The following SPAG16 variants were observed in gnomAD, a reference collection of about 807,000 sequenced individuals.
SPAG16 encodes sperm-associated antigen 16 protein.
A neutral mutation model predicts 80.4 loss-of-function variants in SPAG16; 86 were observed. The ratio of observed to expected loss-of-function variants is 1.07; its 90% CI spans 0.90 to 1.28. SPAG16 has a LOEUF of 1.28. SPAG16 is among the 50% of genes most tolerant of loss of function. SPAG16 has a pLI of 0.00. For synonymous variants in SPAG16, 294 were observed against 265.9 expected (o/e 1.11, Z -1.03); for missense variants, 870 against 765.3 (o/e 1.14, Z -1.61).
intron 10 of SPAG16, among the ~76,000 whole-genome samples, chr2:213,750,138 A>G (rs1327403671): frequency 6.6e-6 from 1 of 152,212 alleles, no homozygotes; most frequent in African/African-American, 2.4e-5. Flanking sequence ...ACTTTGCAGG[A>G]CAAGTACTCC....
chr2:214,376,430 A>G (rs961207885), intron 15 of SPAG16, among the ~76,000 whole-genome samples: 2 of 152,126 alleles, frequency 1.3e-5, no homozygotes, highest in Non-Finnish European at 2.9e-5. Context: ...CATGTTTTCT[A>G]TTTCTCACAT....
intron 15 of SPAG16, among the ~76,000 whole-genome samples, chr2:214,156,312 G>T (rs1166286083): frequency 6.6e-6 from 1 of 152,002 alleles, no homozygotes; most frequent in African/African-American, 2.4e-5. Flanking sequence ...AAGGAATTAG[G>T]GCTGAATTTA....
intron 14 of SPAG16, among the ~76,000 whole-genome samples, chr2:214,132,893 G>T (rs2054851210): frequency 6.6e-6 from 1 of 152,050 alleles, no homozygotes. Flanking sequence ...GCGAGTTCGA[G>T]ACCAGCCTGA....
chr2:213,641,161 G>A lies in SPAG16; in HGVS notation c.1070+151071G>A, dbSNP rs1020771866. Among the ~76,000 whole-genome samples the A allele has an allele frequency of 5.9e-5, 9 of 152,110 alleles. 1 individual carries two copies. Among genetic ancestry groups the A allele is most frequent in the African/African-American group, 1.4e-4 (6 of 41,428 alleles). On this transcript the variant is annotated intron_variant, in intron 10 of 15. Coordinates refer to ENST00000331683, the MANE Select transcript of SPAG16 (RefSeq NM_024532.5). Reference sequence around the variant, plus strand: ...GTTGTTCTCAAGCCAATGGAGTTACGTTCTGAAGGGAATTAAGGCTGCCTC... The same window carrying A: ...GTTGTTCTCAAGCCAATGGAGTTACATTCTGAAGGGAATTAAGGCTGCCTC...
At chr2:213,814,813 AAG>A (rs1428866541) in intron 10 of SPAG16, among the ~76,000 whole-genome samples, 10 of 151,606 alleles carry the variant, frequency 6.6e-5, no homozygotes, top group Non-Finnish European at 1.2e-4. Flanking sequence ...AATAATAATA[AAG>A]AGGGACATTA....
At chr2:214,212,078 T>C (rs942217512) in intron 15 of SPAG16, among the ~76,000 whole-genome samples, 4 of 152,194 alleles carry the variant, frequency 2.6e-5, no homozygotes, top group African/African-American at 9.6e-5. Flanking sequence ...ATGTAATTTC[T>C]TAGCTTAAAA....
rs549278352 is a variant in SPAG16, at chr2:214,014,311, T to C, written c.1527+234T>C. On this transcript the variant is annotated intron_variant, in intron 13 of 15. Coordinates refer to ENST00000331683, the MANE Select transcript of SPAG16 (RefSeq NM_024532.5). ...TCTCATTAAGCATTATTTCAACAAT[T>C]ATTTATTGCGATAGAAGCTCTGCTG... is the stretch of plus-strand genomic sequence containing the variant. Among the ~76,000 whole-genome samples, 3 of 152,262 alleles carry C rather than the reference T, an allele frequency of 2.0e-5. No individual in the cohort carries two copies. The South Asian group carries it at 6.2e-4, about 32-fold the overall frequency.
intron 12 of SPAG16, among the ~76,000 whole-genome samples, chr2:213,998,827 G>A (rs957559874): frequency 6.6e-6 from 1 of 152,182 alleles, no homozygotes; most frequent in African/African-American, 2.4e-5. Flanking sequence ...GGTGACTCTT[G>A]TTATGTTTTA....
At chr2:213,539,933 G>T (rs2125912651) in intron 10 of SPAG16, among the ~76,000 whole-genome samples, 3 of 151,430 alleles carry the variant, frequency 2.0e-5, no homozygotes, top group Middle Eastern at 3.4e-3. Context: ...GACATATTTT[G>T]TGTGTTGTAA....
chr2:214,008,259 T>TTTATA (rs1276387388), intron 12 of SPAG16, among the ~76,000 whole-genome samples: 2 of 152,172 alleles, frequency 1.3e-5, no homozygotes, highest in African/African-American at 2.4e-5. Flanking sequence ...TCTCTATCTG[T>TTTATA]GCACCCATTA....
intron 13 of SPAG16, among the ~76,000 whole-genome samples, chr2:214,038,697 C>A (rs1449272198): frequency 2.1e-5 from 3 of 146,156 alleles, no homozygotes; most frequent in Non-Finnish European, 4.5e-5. Context: ...CCCCCCTCCC[C>A]CTACCCCACA....
intron 10 of SPAG16, among the ~76,000 whole-genome samples, chr2:213,776,177 G>T (rs180864010): frequency 5.0e-4 from 76 of 152,278 alleles, no homozygotes; most frequent in Non-Finnish European, 9.9e-4. Context: ...GATTAAGTTA[G>T]AGCCCTGATT....
In SPAG16 at chr2:214,140,944, G is replaced by T. The variant is rs1453335760; in HGVS notation, c.1594-8196G>T. Among the ~76,000 whole-genome samples, 79 of 72,924 alleles carry T rather than the reference G, an allele frequency of 1.1e-3. 1 individual carries two copies. In the South Asian group the frequency reaches 0.018, roughly 17 times the overall value. 47.8% of individuals were successfully genotyped at this position (72,924 alleles called of 152,430 possible). A position where few individuals can be genotyped will look rare whatever the true frequency, so the allele number is the denominator to read the frequency against. ...GTATATCCCATTGGTGGGGGGGGGG[G>T]GGTGGGGGGTGGGGGGATGTGACAG... On this transcript the variant is annotated intron_variant, in intron 14 of 15. Coordinates refer to ENST00000331683, the MANE Select transcript of SPAG16 (RefSeq NM_024532.5).
At chr2:213,695,563 T>C (rs2065123404) in intron 10 of SPAG16, among the ~76,000 whole-genome samples, 1 of 152,152 alleles carries the variant, frequency 6.6e-6, no homozygotes, top group African/African-American at 2.4e-5. Context: ...TAGTTTCAGC[T>C]AGTAATAAGA....
intron 15 of SPAG16, 35 bp downstream of exon 15, chr2:214,149,301 C>A: frequency 3.4e-6 from 5 of 1,470,154 alleles, no homozygotes; most frequent in South Asian, 1.4e-5. Context: ...TCTGACTAAG[C>A]CAATAACATT....
chr2:213,931,317 C>A (rs1334992380), intron 12 of SPAG16, among the ~76,000 whole-genome samples: 1 of 152,126 alleles, frequency 6.6e-6, no homozygotes, highest in African/African-American at 2.4e-5. Context: ...CTGTGAATAA[C>A]ATATTTTAGA....
intron 10 of SPAG16, among the ~76,000 whole-genome samples, chr2:213,618,918 C>T (rs1255581086): frequency 6.6e-6 from 1 of 151,990 alleles, no homozygotes; most frequent in East Asian, 1.9e-4. Context: ...AGTAATTATT[C>T]TCTTAATAAC....
chr2:214,083,192 T>A (rs1159814591), intron 13 of SPAG16, among the ~76,000 whole-genome samples: 2 of 152,156 alleles, frequency 1.3e-5, no homozygotes, highest in African/African-American at 4.8e-5. Flanking sequence ...ACGGAATGTG[T>A]GATTTCTAGG....
rs74338931 is a variant in SPAG16 at position 214,002,345 on chromosome 2, A to G, written c.1401-11606A>G. Among the ~76,000 whole-genome samples the G allele has an allele frequency of 9.0e-3, 1,369 of 152,320 alleles. 36 individuals are homozygous for G. Among genetic ancestry groups the G allele is most frequent in the East Asian group, 0.084 (436 of 5,180 alleles). ...AAATGGGCTGGATTAAAAATAAATA[A>G]AAAACAAAACAATAAATAAGGCAAG... On this transcript the variant is annotated intron_variant, in intron 12 of 15. Coordinates refer to ENST00000331683, the MANE Select transcript of SPAG16 (RefSeq NM_024532.5).
Sources: gnomAD v4.1 joint callset for allele counts (sites outside exome capture counted in the v4.1 genomes callset) on GRCh38, gnomAD v4.1.1 for gene constraint, MANE v1.5 for transcripts, NCBI Gene and HGNC (gene_info 2026-07-23, HGNC 2026-07-21) for gene names.